RBFOX1: variants seen among roughly 807,000 people sequenced by gnomAD.
The protein encoded by RBFOX1 is RNA binding fox-1 homolog 1.
RBFOX1 carries 8 observed loss-of-function variants against 57.7 expected under a neutral mutation model. The ratio of observed to expected loss-of-function variants is 0.14; its 90% CI spans 0.08 to 0.25. The LOEUF is 0.25. RBFOX1 is among the 10% of genes least tolerant of loss of function. The pLI, the probability that RBFOX1 is intolerant of heterozygous loss-of-function variation, is 1.00. For missense variants in RBFOX1, 611 were observed against 548.5 expected (o/e 1.11, Z -1.14); for synonymous variants, 326 against 222.4 (o/e 1.47, Z -4.15).
At chr16:6,825,480 T>A (rs901728127) in intron 3 of RBFOX1, among the ~76,000 whole-genome samples, 35 of 152,240 alleles carry the variant, frequency 2.3e-4, no homozygotes, top group African/African-American at 8.4e-4. Context: ...AGTTGTGTGT[T>A]TAGAACAAAC....
intron 2 of RBFOX1, among the ~76,000 whole-genome samples, chr16:6,535,929 C>T (rs1170785074): frequency 6.6e-6 from 1 of 152,180 alleles, no homozygotes; most frequent in African/African-American, 2.4e-5. Flanking sequence ...AGAGATGACA[C>T]TGACTTTAAA....
At chr16:7,221,351 A>ATTTATTTG in intron 4 of RBFOX1, among the ~76,000 whole-genome samples, 1 of 149,536 alleles carries the variant, frequency 6.7e-6, no homozygotes, top group East Asian at 2.0e-4. Flanking sequence ...TTGATTATTT[A>ATTTATTTG]TTTATTTATT....
chr16:6,658,765 C>A (rs1356795716), intron 3 of RBFOX1, among the ~76,000 whole-genome samples: 1 of 152,198 alleles, frequency 6.6e-6, no homozygotes, highest in Middle Eastern at 3.4e-3. Context: ...CGCTTCCAAG[C>A]CCGCCAATTA....
chr16:6,840,924 C>A (rs1031746871), intron 3 of RBFOX1, among the ~76,000 whole-genome samples: 3 of 136,904 alleles, frequency 2.2e-5, no homozygotes, highest in African/African-American at 8.4e-5. Flanking sequence ...GTTTGAGAGA[C>A]CCCTCACCGC....
chr16:7,252,738 A>G (rs2153030079), intron 4 of RBFOX1, among the ~76,000 whole-genome samples: 1 of 148,526 alleles, frequency 6.7e-6, no homozygotes, highest in African/African-American at 2.5e-5. Context: ...CGCTAAAGGT[A>G]TTTAGGTTGG....
rs74733015 is a variant in RBFOX1 at position 5,299,308 on chromosome 16, G to C, written c.219+59203G>C. On this transcript the variant is annotated intron_variant, in intron 1 of 2. Transcript: ENST00000585867. Reference sequence around the variant, plus strand: ...TCTAGTTGATAAGTAGCAGTCCATTGAATGCATACTTTATAATTTGTTATT... The same window carrying C: ...TCTAGTTGATAAGTAGCAGTCCATTCAATGCATACTTTATAATTTGTTATT... Among the ~76,000 whole-genome samples the C allele has an allele frequency of 8.2e-3, 1,252 of 151,914 alleles. 23 individuals carry two copies. Among genetic ancestry groups the C allele is most frequent in the African/African-American group, 0.029 (1,192 of 41,424 alleles).
chr16:7,518,697 A>G (rs555534187), intron 5 of RBFOX1, among the ~76,000 whole-genome samples: 1 of 152,256 alleles, frequency 6.6e-6, no homozygotes, highest in East Asian at 1.9e-4. Context: ...TTTTTTGGAA[A>G]AAAAAAATTT....
At chr16:6,083,667 G>A (rs2096043240) in intron 1 of RBFOX1, among the ~76,000 whole-genome samples, 1 of 152,004 alleles carries the variant, frequency 6.6e-6, no homozygotes, top group South Asian at 2.1e-4. Flanking sequence ...TGTAGACACG[G>A]GGTCTCACTG....
chr16:6,123,524 T>G (rs927805386), intron 1 of RBFOX1, among the ~76,000 whole-genome samples: 1 of 152,220 alleles, frequency 6.6e-6, no homozygotes, highest in East Asian at 1.9e-4. Context: ...AGTTATTGTT[T>G]AGTGAATTCA....
Position 7,047,725 on chromosome 16 carries a change from T to C in RBFOX1, c.-15-4332T>C, listed in dbSNP as rs1012184191. 1.7e-4 allele frequency among the ~76,000 whole-genome samples: 19 copies of C among 111,418 alleles called. No individual in the cohort carries two copies. The South Asian group carries it at 2.6e-3, about 15-fold the overall frequency. 73.1% of individuals were successfully genotyped at this position (111,418 alleles called of 152,430 possible). On this transcript the variant is annotated intron_variant, in intron 3 of 15. Transcript: ENST00000550418. Reference sequence around the variant, plus strand: ...CACAGGTCCTGCATTTCTTTTTTTTTTTTTTTTTTTTTTTTTTTTTGTCTT... The same window carrying C: ...CACAGGTCCTGCATTTCTTTTTTTTCTTTTTTTTTTTTTTTTTTTTGTCTT...
At chr16:6,523,500 C>T (rs990456442) in intron 2 of RBFOX1, among the ~76,000 whole-genome samples, 1 of 152,130 alleles carries the variant, frequency 6.6e-6, no homozygotes, top group African/African-American at 2.4e-5. Context: ...GGGGTGTGCC[C>T]ATACTTGATC....
At position 6,373,102 on chromosome 16, in the gene RBFOX1, T is replaced by G. The variant is rs954915132; in HGVS notation, c.-64+56045T>G. Among the ~76,000 whole-genome samples, 18 of 151,594 alleles carry G rather than the reference T, an allele frequency of 1.2e-4. No individual in the cohort carries two copies. In the East Asian group the frequency reaches 3.5e-3, roughly 29 times the overall value. On this transcript the variant is annotated intron_variant, in intron 2 of 15. Transcript: ENST00000550418. ...ATCACTGGGTAGGAGTATTGTTGGGTGGAATGGAGATTGGGTGGAAGTATA... is the reference window on the plus strand; with the variant it reads ...ATCACTGGGTAGGAGTATTGTTGGGGGGAATGGAGATTGGGTGGAAGTATA...
chr16:7,013,132 G>T (rs954466578), intron 3 of RBFOX1, among the ~76,000 whole-genome samples: 2 of 152,164 alleles, frequency 1.3e-5, no homozygotes, highest in African/African-American at 4.8e-5. Flanking sequence ...TAGACTGAGG[G>T]TTAGGGATTT....
intron 1 of RBFOX1, among the ~76,000 whole-genome samples, chr16:5,294,060 C>A (rs987350279): frequency 6.6e-6 from 1 of 152,060 alleles, no homozygotes; most frequent in Non-Finnish European, 1.5e-5. Context: ...GAAACCCTAT[C>A]TCTATCAAAA....
At chr16:6,400,008 A>G (rs571438849) in intron 2 of RBFOX1, among the ~76,000 whole-genome samples, 1 of 152,278 alleles carries the variant, frequency 6.6e-6, no homozygotes, top group South Asian at 2.1e-4. Flanking sequence ...TCCCTCCCAC[A>G]ACATGTGAGG....
At chr16:7,374,473 C>T (rs1387561473) in intron 4 of RBFOX1, among the ~76,000 whole-genome samples, 1 of 152,116 alleles carries the variant, frequency 6.6e-6, no homozygotes, top group Non-Finnish European at 1.5e-5. Context: ...TATGGTGTAA[C>T]TGTATCCAGC....
chr16:6,051,204 T>G, intron 1 of RBFOX1, among the ~76,000 whole-genome samples: 1 of 151,690 alleles, frequency 6.6e-6, no homozygotes, highest in African/African-American at 2.4e-5. Flanking sequence ...ACTAGAGGTG[T>G]CCCATGAATC....
intron 2 of RBFOX1, among the ~76,000 whole-genome samples, chr16:6,408,610 G>C (rs1567210665): frequency 6.6e-6 from 1 of 152,150 alleles, no homozygotes. Flanking sequence ...AGTGTCCTCT[G>C]TTCTTAGGCA....
At chr16:7,704,100 G>C (rs2081629198) in intron 14 of RBFOX1, among the ~76,000 whole-genome samples, 1 of 152,188 alleles carries the variant, frequency 6.6e-6, no homozygotes. Context: ...ATGAGGCTCA[G>C]AGAGCATGCT....
Sources: gnomAD v4.1 joint callset for allele counts (sites outside exome capture counted in the v4.1 genomes callset) on GRCh38, gnomAD v4.1.1 for gene constraint, MANE v1.5 for transcripts, NCBI Gene and HGNC (gene_info 2026-07-23, HGNC 2026-07-21) for gene names.